PLCB1: variants seen among roughly 807,000 people sequenced by gnomAD.
PLCB1 encodes 1-phosphatidylinositol 4,5-bisphosphate phosphodiesterase beta-1.
A neutral mutation model predicts 161.8 loss-of-function variants in PLCB1; 46 were observed. That is an observed-to-expected ratio of 0.28 (90% confidence interval 0.22 to 0.36). The LOEUF (loss-of-function observed/expected upper bound fraction) is 0.36. Ranked by LOEUF, PLCB1 falls within the 10% of genes least tolerant of loss-of-function variation. The pLI, the probability that PLCB1 is intolerant of heterozygous loss-of-function variation, is 1.00. For synonymous variants in PLCB1, 517 were observed against 503.7 expected (o/e 1.03, Z -0.35); for missense variants, 1,016 against 1,472.5 (o/e 0.69, Z 5.07).
At chr20:8,663,204 CATAG>C (rs1017519176) in intron 9 of PLCB1, among the ~76,000 whole-genome samples, 3 of 151,618 alleles carry the variant, frequency 2.0e-5, no homozygotes, top group African/African-American at 4.8e-5. Flanking sequence ...ATACACACAA[CATAG>C]ATATACACAC....
chr20:8,543,932 C>T (rs1189170526), intron 3 of PLCB1, among the ~76,000 whole-genome samples: 2 of 152,160 alleles, frequency 1.3e-5, no homozygotes, highest in East Asian at 1.9e-4. Flanking sequence ...TCAATTAAAC[C>T]TCTTTCCTTT....
At chr20:8,399,148 TTTTG>T (rs1978433689) in intron 3 of PLCB1, among the ~76,000 whole-genome samples, 1 of 151,916 alleles carries the variant, frequency 6.6e-6, no homozygotes, top group Non-Finnish European at 1.5e-5. Flanking sequence ...TGGAGGTTTT[TTTTG>T]TTTGTTTGTC....
intron 12 of PLCB1, among the ~76,000 whole-genome samples, chr20:8,714,170 G>A (rs995083443): frequency 6.6e-6 from 1 of 152,098 alleles, no homozygotes; most frequent in Non-Finnish European, 1.5e-5. Context: ...TTGTTATGAT[G>A]CAGACTCCTG....
intron 29 of PLCB1, 112 bp from the exon 30 acceptor site, chr20:8,789,406 A>G (rs1197427993): frequency 3.9e-6 from 3 of 767,836 alleles, no homozygotes; most frequent in Non-Finnish European, 4.5e-6. Context: ...AAAATAAGGA[A>G]AAAAGAAAAA....
In PLCB1 at chr20:8,367,585, G is replaced by A. The variant is rs75969266; in HGVS notation, c.178-3797G>A. 7.0e-4 allele frequency among the ~76,000 whole-genome samples: 107 copies of A among 152,186 alleles called. No homozygotes were observed. The East Asian group carries it at 0.02, about 29-fold the overall frequency. ...AAATACATGAATAATTAATTTTAAG[G>A]TCCTCACTCAAACCCAAGTTTTCTG... On this transcript the variant is annotated intron_variant, in intron 2 of 31. Coordinates refer to ENST00000338037, the MANE Select transcript of PLCB1 (RefSeq NM_015192.4).
intron 31 of PLCB1, among the ~76,000 whole-genome samples, chr20:8,809,776 G>A (rs6056136): frequency 0.026 from 4,027 of 152,090 alleles, 166 homozygotes; most frequent in African/African-American, 0.093. Context: ...GACAGAGCCT[G>A]TACTGCTCTG....
intron 11 of PLCB1, among the ~76,000 whole-genome samples, chr20:8,702,670 T>C (rs770429784): frequency 4.7e-4 from 71 of 152,320 alleles, no homozygotes; most frequent in Admixed American, 1.5e-3. Context: ...TATAGATTAT[T>C]GAATCTAGTG....
chr20:8,236,180 A>T (rs888927879), intron 2 of PLCB1, among the ~76,000 whole-genome samples: 3 of 152,186 alleles, frequency 2.0e-5, no homozygotes, highest in African/African-American at 7.2e-5. Context: ...CACTCTATTG[A>T]TATGGAAATC....
chr20:8,693,678 C>T (rs1457178834), intron 10 of PLCB1, among the ~76,000 whole-genome samples: 1 of 152,160 alleles, frequency 6.6e-6, no homozygotes, highest in Non-Finnish European at 1.5e-5. Flanking sequence ...TGAAAACAGG[C>T]AATTAATCAT....
intron 31 of PLCB1, among the ~76,000 whole-genome samples, chr20:8,874,339 A>T (rs1369587260): frequency 6.6e-6 from 1 of 151,940 alleles, no homozygotes; most frequent in African/African-American, 2.4e-5. Flanking sequence ...AAGTGATCCT[A>T]TGTCTATATT....
intron 2 of PLCB1, among the ~76,000 whole-genome samples, chr20:8,220,384 G>T (rs1017348179): frequency 1.2e-4 from 18 of 152,156 alleles, no homozygotes; most frequent in African/African-American, 2.9e-4. Flanking sequence ...AGTGTTCCCT[G>T]CAAATTCACA....
chr20:8,548,932 A>G (rs558385401), intron 3 of PLCB1, among the ~76,000 whole-genome samples: 1 of 152,212 alleles, frequency 6.6e-6, no homozygotes, highest in Non-Finnish European at 1.5e-5. Flanking sequence ...TTCCCAGCAA[A>G]TGATTTTCAG....
At chr20:8,531,288 A>T (rs181333541) in intron 3 of PLCB1, among the ~76,000 whole-genome samples, 18 of 152,232 alleles carry the variant, frequency 1.2e-4, no homozygotes, top group East Asian at 7.7e-4. Flanking sequence ...ACACTAAATG[A>T]TACTTGCAGG....
chr20:8,348,844 G>A (rs1431106026), intron 2 of PLCB1, among the ~76,000 whole-genome samples: 3 of 152,142 alleles, frequency 2.0e-5, no homozygotes, highest in Non-Finnish European at 2.9e-5. Flanking sequence ...CTAGAGCAAT[G>A]TCTTTGCTTA....
At chr20:8,438,573 A>G (rs1050187620) in intron 3 of PLCB1, among the ~76,000 whole-genome samples, 2 of 152,328 alleles carry the variant, frequency 1.3e-5, no homozygotes, top group African/African-American at 4.8e-5. Flanking sequence ...TTACAACCCA[A>G]TAAGAAAGTG....
chr20:8,142,293 G>A (rs1177668743), intron 1 of PLCB1, among the ~76,000 whole-genome samples: 3 of 152,156 alleles, frequency 2.0e-5, no homozygotes, highest in Non-Finnish European at 4.4e-5. Flanking sequence ...CCTTTGAGGT[G>A]TTGTGTTACA....
chr20:8,644,724 C>CGGCCAGCCGCCCCGCCCGGGAGGGAGG (rs2123280204), intron 4 of PLCB1, among the ~76,000 whole-genome samples: 1 of 151,268 alleles, frequency 6.6e-6, no homozygotes, highest in East Asian at 2.0e-4. Context: ...GCCCCCCGCC[C>CGGCCAGCCGCCCCGCCCGGGAGGGAGG]TGCCAGCCGC....
chr20:8,412,832 A>C (rs971753956), intron 3 of PLCB1, among the ~76,000 whole-genome samples: 2 of 152,176 alleles, frequency 1.3e-5, no homozygotes, highest in African/African-American at 2.4e-5. Context: ...TGGAAATAAA[A>C]CAACATGGAG....
intron 31 of PLCB1, among the ~76,000 whole-genome samples, chr20:8,809,440 ACCT>A (rs1488061347): frequency 2.6e-5 from 4 of 151,870 alleles, no homozygotes; most frequent in Non-Finnish European, 5.9e-5. Flanking sequence ...GCTACTGTAC[ACCT>A]CCTCCCAACG....
Sources: allele counts gnomAD v4.1 joint callset (sites outside exome capture counted in the v4.1 genomes callset), GRCh38; gene constraint gnomAD v4.1.1; transcripts MANE v1.5; gene names NCBI Gene and HGNC (gene_info 2026-07-23, HGNC 2026-07-21).